Variants in ANO2 observed in about 807,000 individuals in gnomAD.
ANO2 encodes the protein anoctamin 2, also known as anoctamin-2.
ANO2 carries 101 observed loss-of-function variants against 124.2 expected under a neutral mutation model. The ratio of observed to expected loss-of-function variants is 0.81; its 90% CI spans 0.69 to 0.96. The LOEUF is 0.96. ANO2 is among the 40% of genes least tolerant of loss of function. The pLI, the probability that ANO2 is intolerant of heterozygous loss-of-function variation, is 0.00. For synonymous variants in ANO2, 486 were observed against 482.5 expected (o/e 1.01, Z -0.09); for missense variants, 1,293 against 1,274.5 (o/e 1.01, Z -0.22).
At chr12:5,566,069 C>G (rs1941732249) in intron 23 of ANO2, among the ~76,000 whole-genome samples, 1 of 149,958 alleles carries the variant, frequency 6.7e-6, no homozygotes, top group African/African-American at 2.5e-5. Flanking sequence ...TGCTCTGCAG[C>G]CGGGGGGGTT....
rs117756421 is a variant in ANO2 at position 5,659,497 on chromosome 12, G to A, written c.1546-11696C>T. ...AGTAGAGAAAGACTTCAGGGACAGGGCCTCAGTCTAGGAGGGGAATCTTGG... is the reference window on the plus strand; with the variant it reads ...AGTAGAGAAAGACTTCAGGGACAGGACCTCAGTCTAGGAGGGGAATCTTGG... On this transcript the variant is annotated intron_variant, in intron 14 of 24. Transcript: ENST00000682330. Among the ~76,000 whole-genome samples the A allele has an allele frequency of 7.1e-3, 1,074 of 152,314 alleles. 4 individuals are homozygous for A. The highest frequency in any genetic ancestry group is 0.014 in the Middle Eastern group (4 of 294).
At chr12:5,868,306 C>A (rs1955485267) in intron 3 of ANO2, among the ~76,000 whole-genome samples, 1 of 152,092 alleles carries the variant, frequency 6.6e-6, no homozygotes, top group African/African-American at 2.4e-5. Flanking sequence ...AGAAGCAGGG[C>A]ACATTAAAGA....
intron 19 of ANO2, among the ~76,000 whole-genome samples, chr12:5,603,149 A>T: frequency 6.6e-6 from 1 of 152,200 alleles, no homozygotes; most frequent in East Asian, 1.9e-4. Flanking sequence ...AGCTCTATAG[A>T]AGGTTTAGCA....
intron 10 of ANO2, among the ~76,000 whole-genome samples, chr12:5,796,567 TCA>T (rs1183463774): frequency 6.6e-6 from 1 of 151,642 alleles, no homozygotes; most frequent in Non-Finnish European, 1.5e-5. Context: ...TCATACAGGC[TCA>T]CACACACACT....
intron 23 of ANO2, among the ~76,000 whole-genome samples, chr12:5,567,777 A>G (rs1941858563): frequency 6.6e-6 from 1 of 152,240 alleles, no homozygotes; most frequent in African/African-American, 2.4e-5. Context: ...ACATGTTTTA[A>G]GTTTAACAAG....
chr12:5,888,056 G>A (rs1483252052), intron 3 of ANO2, among the ~76,000 whole-genome samples: 1 of 152,136 alleles, frequency 6.6e-6, no homozygotes, highest in Non-Finnish European at 1.5e-5. Flanking sequence ...GCGGACCCTC[G>A]CAGTGAGTGT....
intron 1 of ANO2, among the ~76,000 whole-genome samples, chr12:5,936,647 G>C (rs1372909300): frequency 6.6e-6 from 1 of 152,234 alleles, no homozygotes; most frequent in Non-Finnish European, 1.5e-5. Context: ...CATTTTGTTA[G>C]AGTGAGCAAA....
intron 4 of ANO2, among the ~76,000 whole-genome samples, chr12:5,852,981 C>T (rs1003412898): frequency 2.0e-5 from 3 of 151,186 alleles, no homozygotes; most frequent in African/African-American, 7.3e-5. Flanking sequence ...ACTAGAGTGC[C>T]ATCTGCCACA....
intron 24 of ANO2, among the ~76,000 whole-genome samples, chr12:5,565,287 A>G (rs1415302635): frequency 6.6e-6 from 1 of 152,074 alleles, no homozygotes; most frequent in Non-Finnish European, 1.5e-5. Context: ...ACAGGAATCT[A>G]TCTCCACCCT....
At chr12:5,849,857 T>A (rs765387413) in intron 4 of ANO2, among the ~76,000 whole-genome samples, 17 of 152,186 alleles carry the variant, frequency 1.1e-4, no homozygotes, top group Non-Finnish European at 1.9e-4. Context: ...TCAGCAAATG[T>A]GGTTTTTTTC....
At chr12:5,827,709 C>A (rs1472059893) in intron 7 of ANO2, 60 bp downstream of exon 7, 20 of 1,555,742 alleles carry the variant, frequency 1.3e-5, no homozygotes, top group Non-Finnish European at 1.5e-5. Context: ...CTGTTGAAAG[C>A]ACGGGGCGGG....
intron 3 of ANO2, among the ~76,000 whole-genome samples, chr12:5,867,123 T>C (rs1955447134): frequency 6.6e-6 from 1 of 152,228 alleles, no homozygotes; most frequent in African/African-American, 2.4e-5. Context: ...GAGCCATTAC[T>C]CCTTCATAGC....
chr12:5,577,966 C>T lies in ANO2; in HGVS notation c.2428G>A (p.Val810Ile). Residue 810 changes from valine to isoleucine, a missense_variant, in exon 22 of 25, where the codon GTT becomes ATT. Coordinates refer to ENST00000682330, the MANE Select transcript of ANO2 (RefSeq NM_001364791.2). Reference protein sequence around the residue: ...DILSGIGKFSVISNAFVIAIT... With the variant: ...DILSGIGKFSIISNAFVIAIT... ...ATGCAAGTACTTACGTTGCTGATAA[C>T]AGAGAACTTGCCAATTCCAGAGAGA... 5 of 1,613,794 alleles carry T rather than the reference C, an allele frequency of 3.1e-6. No homozygotes were observed. Among genetic ancestry groups the T allele is most frequent in the Non-Finnish European group, 4.2e-6 (5 of 1,179,734 alleles).
At position 5,813,093 on chromosome 12, in the gene ANO2, A is replaced by G. The variant is rs919670660; in HGVS notation, c.893-5725T>C. The stretch of plus-strand genomic sequence containing the variant: ...ACGAAAGAGGAAGGAAAAAAGGAAG[A>G]GAGGAAGGAAGGAAAGGAAAAGAAG... On this transcript the variant is annotated intron_variant, in intron 7 of 24. Coordinates refer to ENST00000682330, the MANE Select transcript of ANO2 (RefSeq NM_001364791.2). 7.5e-4 allele frequency among the ~76,000 whole-genome samples: 62 copies of G among 82,192 alleles called. 1 individual carries two copies. The highest frequency in any genetic ancestry group is 2.3e-3 in the African/African-American group (59 of 25,668). 53.9% of individuals were successfully genotyped at this position (82,192 alleles called of 152,430 possible).
intron 10 of ANO2, among the ~76,000 whole-genome samples, chr12:5,780,899 G>T (rs1345830068): frequency 5.9e-5 from 9 of 152,200 alleles, no homozygotes; most frequent in African/African-American, 2.2e-4. Context: ...TGAGATATTG[G>T]GATGGCTTAC....
intron 20 of ANO2, chr12:5,584,062 T>C (rs1033808718): frequency 5.8e-5 from 15 of 260,774 alleles, no homozygotes; most frequent in African/African-American, 3.0e-4. Flanking sequence ...TATTTCCCGA[T>C]TGTGATTCAG....
chr12:5,644,147 T>C (rs1408840871), intron 15 of ANO2, among the ~76,000 whole-genome samples: 2 of 152,220 alleles, frequency 1.3e-5, no homozygotes, highest in Non-Finnish European at 2.9e-5. Flanking sequence ...AACTCGATTG[T>C]TTTGCCTTTC....
intron 10 of ANO2, among the ~76,000 whole-genome samples, chr12:5,793,194 A>T (rs1336817051): frequency 6.6e-6 from 1 of 152,320 alleles, no homozygotes; most frequent in East Asian, 1.9e-4. Flanking sequence ...AAATAAGGGA[A>T]ATCAGCAGTT....
At chr12:5,845,168 G>A (rs1954643831) in intron 4 of ANO2, among the ~76,000 whole-genome samples, 1 of 151,990 alleles carries the variant, frequency 6.6e-6, no homozygotes. Flanking sequence ...AGGAGGCTGA[G>A]GTGGGAGAAA....
Sources: allele counts gnomAD v4.1 joint callset (sites outside exome capture counted in the v4.1 genomes callset), GRCh38; gene constraint gnomAD v4.1.1; transcripts MANE v1.5; gene names NCBI Gene and HGNC (gene_info 2026-07-23, HGNC 2026-07-21).